RPA2: variants seen among roughly 807,000 people sequenced by gnomAD.
The protein encoded by RPA2 is replication protein A2.
A neutral mutation model predicts 33.4 loss-of-function variants in RPA2; 22 were observed. That is an observed-to-expected ratio of 0.66 (90% CI 0.47 to 0.94). The LOEUF is 0.94. RPA2 is among the 40% of genes least tolerant of loss of function. RPA2 has a pLI of 0.00. For missense variants in RPA2, 279 were observed against 329.9 expected, an observed-to-expected ratio of 0.85 and a Z score of 1.19; for synonymous variants, 109 against 114.9, an observed-to-expected ratio of 0.95 and a Z score of 0.33.
chr1:27,907,353 G>A (rs1431833513), intron 2 of RPA2, 71 bp from the exon 3 acceptor site: 19 of 1,156,528 alleles, frequency 1.6e-5, no homozygotes, highest in Non-Finnish European at 2.4e-5. Context: ...CCTGCCATGT[G>A]CCAAGTACTT....
intron 6 of RPA2, 60 bp from the exon 7 acceptor site, chr1:27,894,457 ACTT>A: frequency 7.1e-7 from 1 of 1,401,418 alleles, no homozygotes; most frequent in South Asian, 1.2e-5. Flanking sequence ...AGTCTTTACT[ACTT>A]AAAATAGCTC....
At chr1:27,897,882 A>G (rs2089912997) in intron 4 of RPA2, among the ~76,000 whole-genome samples, 175 bp from the exon 5 acceptor site, 1 of 152,252 alleles carries the variant, frequency 6.6e-6, no homozygotes, top group Non-Finnish European at 1.5e-5. Context: ...AAAACCAGGA[A>G]TTAGAATAAA....
At chr1:27,896,939 TG>T in intron 6 of RPA2, 65 bp downstream of exon 6, 1 of 1,186,902 alleles carries the variant, frequency 8.4e-7, no homozygotes, top group Non-Finnish European at 1.2e-6. Flanking sequence ...AAATCAAAGC[TG>T]GAACACAAAA....
At chr1:27,912,669 T>A (rs997628719) in intron 2 of RPA2, among the ~76,000 whole-genome samples, 1 of 152,242 alleles carries the variant, frequency 6.6e-6, no homozygotes, top group Non-Finnish European at 1.5e-5. Flanking sequence ...GTACTACCAG[T>A]ATCATCAGAT....
chr1:27,893,986 T>G, intron 8 of RPA2, 26 bp downstream of exon 8: 177 of 1,572,708 alleles, frequency 1.1e-4, no homozygotes, highest in Non-Finnish European at 1.4e-4. Context: ...TGCCAGAGCC[T>G]GAGCTCATGA....
chr1:27,914,537 G>T lies in RPA2; in HGVS notation c.-94C>A. The T allele has an allele frequency of 6.2e-7, 1 of 1,609,640 alleles. No individual in the cohort carries two copies. Among genetic ancestry groups the T allele is most frequent in the Non-Finnish European group, 8.5e-7 (1 of 1,178,336 alleles). ...ACGCGGCCGCCACTGCGCCGCTCTG[G>T]CTACTTTTCTCTGGCACCACAAACG... On this transcript the variant is annotated 5_prime_UTR_variant, in exon 1 of 9. Transcript: ENST00000373912.
At chr1:27,914,709 C>A, upstream of RPA2, 1 of 1,604,738 alleles carries the variant, frequency 6.2e-7, no homozygotes, top group Non-Finnish European at 8.5e-7. Flanking sequence ...AAAGCCTCCG[C>A]GGCCATCTTT....
intron 1 of RPA2, 125 bp from the exon 2 acceptor site, chr1:27,914,294 T>G: frequency 3.1e-6 from 5 of 1,604,708 alleles, no homozygotes; most frequent in Non-Finnish European, 3.4e-6. Context: ...GCCGCCTTCC[T>G]GCGGGTGACC....
intron 4 of RPA2, among the ~76,000 whole-genome samples, chr1:27,902,296 T>C (rs2089977785): frequency 6.6e-6 from 1 of 151,234 alleles, no homozygotes; most frequent in Non-Finnish European, 1.5e-5. Flanking sequence ...CTTTTTTTTT[T>C]TTTTGAGACA....
In RPA2 at chr1:27,891,870, G is replaced by A. The variant is rs112718758; in HGVS notation, c.*293C>T. On this transcript the variant is annotated 3_prime_UTR_variant, in exon 9 of 9. Transcript: ENST00000373912. Reference sequence around the variant, plus strand: ...TGAGCACTATGTAAGTACTCTCCTGGTAGCATCCTTCCAATTCCATCTATC... The same window carrying A: ...TGAGCACTATGTAAGTACTCTCCTGATAGCATCCTTCCAATTCCATCTATC... 3 of 347,230 alleles carry A rather than the reference G, an allele frequency of 8.6e-6. No homozygotes were observed. Among genetic ancestry groups the A allele is most frequent in the African/African-American group, 2.0e-5 (1 of 49,330 alleles). The allele number at this position is 347,230 out of a possible 1,614,324, so 21.5% of individuals were successfully genotyped here.
chr1:27,908,518 T>TG (rs2090059171), intron 2 of RPA2, among the ~76,000 whole-genome samples: 1 of 151,812 alleles, frequency 6.6e-6, no homozygotes, highest in African/African-American at 2.4e-5. Context: ...TTTTTTGAGA[T>TG]GGAGTCTCAC....
intron 6 of RPA2, 129 bp downstream of exon 6, chr1:27,896,876 G>T: frequency 1.6e-6 from 1 of 624,706 alleles, no homozygotes; most frequent in Non-Finnish European, 2.8e-6. Context: ...TGGAGAAAGT[G>T]TTCTGAGGAC....
chr1:27,898,491 T>C (rs1228339857), intron 4 of RPA2, among the ~76,000 whole-genome samples: 3 of 152,068 alleles, frequency 2.0e-5, no homozygotes, highest in African/African-American at 7.2e-5. Flanking sequence ...TTTTAATACT[T>C]ATCAGTTTCC....
At chr1:27,904,779 C>T (rs965272275) in intron 4 of RPA2, among the ~76,000 whole-genome samples, 5 of 152,050 alleles carry the variant, frequency 3.3e-5, no homozygotes, top group East Asian at 1.9e-4. Context: ...ATTTTTCTGT[C>T]TCAGCTTCTG....
chr1:27,902,016 T>TAA (rs11286461), intron 4 of RPA2, among the ~76,000 whole-genome samples: 1 of 148,648 alleles, frequency 6.7e-6, no homozygotes, highest in Non-Finnish European at 1.5e-5. Flanking sequence ...TTAAACATAG[T>TAA]AAAAAAAAAA....
intron 5 of RPA2, 90 bp downstream of exon 5, chr1:27,897,541 CTT>C: frequency 1.2e-6 from 1 of 806,654 alleles, no homozygotes; most frequent in Non-Finnish European, 1.9e-6. Flanking sequence ...AACAGGGAGA[CTT>C]AAGTATTTTA....
intron 4 of RPA2, among the ~76,000 whole-genome samples, chr1:27,905,585 T>C (rs1438501829): frequency 6.7e-6 from 1 of 150,342 alleles, no homozygotes; most frequent in Non-Finnish European, 1.5e-5. Context: ...GCCACTTCAC[T>C]GGCCTAAATC....
rs996316829 is a variant in RPA2, at chr1:27,891,623, A to G, written c.*540T>C. On this transcript the variant is annotated 3_prime_UTR_variant, in exon 9 of 9. Coordinates refer to ENST00000373912, the MANE Select transcript of RPA2 (RefSeq NM_002946.5). ...ACTTCTTCTTTTCCTCTGCCCCTGGAGGCACTACCGCAGAACTTCATGTTC... is the reference window on the plus strand; with the variant it reads ...ACTTCTTCTTTTCCTCTGCCCCTGGGGGCACTACCGCAGAACTTCATGTTC... 1.2e-4 allele frequency: 18 copies of G among 152,738 alleles called. No individual in the cohort carries two copies. Among genetic ancestry groups the G allele is most frequent in the Admixed American group, 9.8e-4 (15 of 15,350 alleles). The allele number at this position is 152,738 out of a possible 1,614,324, so 9.5% of individuals were successfully genotyped here.
intron 4 of RPA2, among the ~76,000 whole-genome samples, chr1:27,899,513 G>GAAAAAAAAAAAAAAAAAAAAAA (rs67126026): frequency 4.6e-5 from 5 of 107,558 alleles, no homozygotes; most frequent in South Asian, 3.1e-4. Flanking sequence ...AAAAAAAAAA[G>GAAAAAAAAAAAAAAAAAAAAAA]AAAAAAAAAA....
Sources: gnomAD v4.1 joint callset for allele counts (sites outside exome capture counted in the v4.1 genomes callset) on GRCh38, gnomAD v4.1.1 for gene constraint, MANE v1.5 for transcripts, NCBI Gene and HGNC (gene_info 2026-07-23, HGNC 2026-07-21) for gene names.